STK32B: variants seen among roughly 807,000 people sequenced by gnomAD.
The protein encoded by STK32B is serine/threonine-protein kinase 32B.
In STK32B, 43 loss-of-function variants were observed where a neutral mutation model predicts 52.6. The ratio of observed to expected loss-of-function variants is 0.82; its 90% confidence interval spans 0.64 to 1.05. The LOEUF (loss-of-function observed/expected upper bound fraction) is 1.05. Among genes scored for constraint, STK32B ranks in the 50% least tolerant of loss-of-function variants. The pLI is 0.00. For missense variants in STK32B, 621 were observed against 534.6 expected (o/e 1.16, Z -1.59); for synonymous variants, 238 against 204.3 (o/e 1.17, Z -1.41).
chr4:5,266,728 C>A (rs1359862827), intron 3 of STK32B, among the ~76,000 whole-genome samples: 1 of 152,184 alleles, frequency 6.6e-6, no homozygotes, highest in Non-Finnish European at 1.5e-5. Flanking sequence ...GGGGTCCTTT[C>A]TTTTCATCCT....
rs148386980 is a variant in STK32B at position 5,430,487 on chromosome 4, A to G, written c.562+13553A>G. Among the ~76,000 whole-genome samples, 609 of 152,284 alleles carry G rather than the reference A, an allele frequency of 4.0e-3. 1 individual carries two copies. The highest frequency in any genetic ancestry group is 0.014 in the African/African-American group (572 of 41,564). On this transcript the variant is annotated intron_variant, in intron 6 of 11. Transcript: ENST00000282908. Reference sequence around the variant, plus strand: ...ACGCATGCTGTCCGCCTTTCCACTAAAGCCTTTGAAATGTTTTAAATTCCT... The same window carrying G: ...ACGCATGCTGTCCGCCTTTCCACTAGAGCCTTTGAAATGTTTTAAATTCCT...
intron 3 of STK32B, among the ~76,000 whole-genome samples, chr4:5,208,711 C>T (rs186800981): frequency 3.1e-4 from 47 of 152,172 alleles, no homozygotes; most frequent in African/African-American, 1.0e-3. Context: ...ACGGTAGTCT[C>T]GGGGTCTCTT....
At chr4:5,033,330 C>G in the STK32B span, among the ~76,000 whole-genome samples, 39 of 152,168 alleles carry the variant, frequency 2.6e-4, no homozygotes, top group African/African-American at 9.4e-4. Context: ...AACCCTGCTT[C>G]TCCCTCCAGG....
chr4:5,297,635 G>GTTTTTTTTTTTTTTTTT (rs200463444), intron 3 of STK32B, among the ~76,000 whole-genome samples: 1 of 126,932 alleles, frequency 7.9e-6, no homozygotes. Flanking sequence ...GGTCATTTAT[G>GTTTTTTTTTTTTTTTTT]TTTTTTTTTT....
At chr4:5,373,192 A>G (rs1262146996) in intron 4 of STK32B, among the ~76,000 whole-genome samples, 1 of 152,192 alleles carries the variant, frequency 6.6e-6, no homozygotes. Context: ...TCGCCCAGCT[A>G]TATTAGGATT....
intron 3 of STK32B, among the ~76,000 whole-genome samples, chr4:5,181,372 A>G (rs904689165): frequency 2.0e-5 from 3 of 150,436 alleles, no homozygotes; most frequent in Non-Finnish European, 4.4e-5. Flanking sequence ...ACACACAGAG[A>G]TCTCATTAAG....
chr4:5,329,623 A>G (rs539957045), intron 3 of STK32B, among the ~76,000 whole-genome samples: 8 of 152,248 alleles, frequency 5.3e-5, no homozygotes, highest in African/African-American at 1.9e-4. Flanking sequence ...CTCCCAGGGC[A>G]CTGTGCACGC....
At chr4:5,038,985 CTTT>C in the STK32B span, among the ~76,000 whole-genome samples, 7 of 122,348 alleles carry the variant, frequency 5.7e-5, no homozygotes, top group East Asian at 2.2e-4. Flanking sequence ...AAATTTCTTT[CTTT>C]TTTTTTTTTT....
At chr4:5,113,600 C>G (rs1465304030) in intron 1 of STK32B, among the ~76,000 whole-genome samples, 1 of 152,190 alleles carries the variant, frequency 6.6e-6, no homozygotes, top group Non-Finnish European at 1.5e-5. Flanking sequence ...TCATATCACT[C>G]CATTTCTTTA....
intron 3 of STK32B, among the ~76,000 whole-genome samples, chr4:5,320,030 T>A (rs1017874805): frequency 5.3e-5 from 8 of 152,184 alleles, no homozygotes; most frequent in African/African-American, 4.8e-5. Context: ...CCTTTGCATT[T>A]ACAGGAAAGC....
At chr4:5,482,848 G>A (rs972041502) in intron 11 of STK32B, among the ~76,000 whole-genome samples, 2 of 152,150 alleles carry the variant, frequency 1.3e-5, no homozygotes, top group Admixed American at 6.5e-5. Context: ...AGATAATCAT[G>A]TGGTTTTTGT....
rs201153438 is a variant in STK32B, at chr4:5,491,367, A to C, written c.1107-7578A>C. ...TTTTTCATGTGTTTTTTGGCTGCAT[A>C]AATGTCTTCTTTTGAGAAGTGTCTG... is the stretch of plus-strand genomic sequence containing the variant. On this transcript the variant is annotated intron_variant, in intron 11 of 11. Transcript: ENST00000282908. Among the ~76,000 whole-genome samples, 262 of 152,224 alleles carry C rather than the reference A, an allele frequency of 1.7e-3. 9 individuals carry two copies. In the East Asian group the frequency reaches 0.045, roughly 26 times the overall value.
chr4:5,140,875 A>G (rs1410266773), intron 2 of STK32B, among the ~76,000 whole-genome samples: 2 of 152,234 alleles, frequency 1.3e-5, no homozygotes, highest in Admixed American at 1.3e-4. Context: ...AACAGATCCA[A>G]GTGTCTTTTC....
chr4:5,406,696 A>G (rs901726824), intron 5 of STK32B, among the ~76,000 whole-genome samples: 4 of 152,074 alleles, frequency 2.6e-5, no homozygotes, highest in South Asian at 2.1e-4. Flanking sequence ...CCTTTTAACT[A>G]TGGCTGGAGC....
intron 3 of STK32B, among the ~76,000 whole-genome samples, chr4:5,263,997 T>G (rs1726892917): frequency 6.6e-6 from 1 of 152,252 alleles, no homozygotes; most frequent in Non-Finnish European, 1.5e-5. Context: ...AGGAGCAGTT[T>G]ATTTCATTTT....
chr4:5,111,360 T>C (rs994367330), intron 1 of STK32B, among the ~76,000 whole-genome samples: 1 of 152,078 alleles, frequency 6.6e-6, no homozygotes, highest in Non-Finnish European at 1.5e-5. Flanking sequence ...ACAGAACCAA[T>C]CTAAGTGTCC....
chr4:5,375,190 G>T (rs539331361), intron 4 of STK32B, among the ~76,000 whole-genome samples: 1 of 152,134 alleles, frequency 6.6e-6, no homozygotes, highest in African/African-American at 2.4e-5. Context: ...CTGCTGTCCA[G>T]CCTCGTCCCC....
At chr4:5,308,606 G>A (rs1369889361) in intron 3 of STK32B, among the ~76,000 whole-genome samples, 1 of 152,156 alleles carries the variant, frequency 6.6e-6, no homozygotes, top group South Asian at 2.1e-4. Flanking sequence ...TATGTGCCAG[G>A]TGCCTTCTTC....
intron 3 of STK32B, among the ~76,000 whole-genome samples, chr4:5,316,969 A>T (rs546939750): frequency 4.2e-4 from 10 of 23,976 alleles, no homozygotes; most frequent in East Asian, 2.4e-3. Flanking sequence ...AATATATATA[A>T]TATATATAAT....
Sources: gnomAD v4.1 joint callset for allele counts (sites outside exome capture counted in the v4.1 genomes callset) on GRCh38, gnomAD v4.1.1 for gene constraint, MANE v1.5 for transcripts, NCBI Gene and HGNC (gene_info 2026-07-23, HGNC 2026-07-21) for gene names.